The following CLVS1 variants were observed in gnomAD, a reference collection of about 807,000 sequenced individuals.
CLVS1 encodes clavesin 1, also known as clavesin-1.
A neutral mutation model predicts 33.1 loss-of-function variants in CLVS1; 10 were observed. The ratio of observed to expected loss-of-function variants is 0.30; its 90% CI spans 0.19 to 0.51. CLVS1 has a LOEUF of 0.51. Among genes scored for constraint, CLVS1 ranks in the 20% least tolerant of loss-of-function variants. CLVS1 has a pLI of 0.97. For synonymous variants in CLVS1, 163 were observed against 166.1 expected, an observed-to-expected ratio of 0.98 and a Z score of 0.14; for missense variants, 343 against 433.4, an observed-to-expected ratio of 0.79 and a Z score of 1.85.
rs114939065 is a variant in CLVS1, at chr8:61,184,945, A to C, written c.-152+53085A>C. Reference sequence around the variant, plus strand: ...AATTTTTAAAGTTCACAGAAGAATAAGAAAATACTACCTACAATATTTTCG... The same window carrying C: ...AATTTTTAAAGTTCACAGAAGAATACGAAAATACTACCTACAATATTTTCG... On this transcript the variant is annotated intron_variant, in intron 2 of 2. Transcript: ENST00000522621. Among the ~76,000 whole-genome samples the C allele has an allele frequency of 8.9e-3, 1,353 of 152,356 alleles. 29 individuals carry two copies. The highest frequency in any genetic ancestry group is 0.03 in the African/African-American group (1,244 of 41,586).
chr8:61,139,996 G>C (rs933210187), intron 2 of CLVS1, among the ~76,000 whole-genome samples: 2 of 152,138 alleles, frequency 1.3e-5, no homozygotes, highest in African/African-American at 4.8e-5. Flanking sequence ...GGCCCTCAGC[G>C]GAGCTCTTGC....
chr8:61,107,615 T>C (rs1805560477), intron 1 of CLVS1, among the ~76,000 whole-genome samples: 1 of 152,176 alleles, frequency 6.6e-6, no homozygotes, highest in Non-Finnish European at 1.5e-5. Flanking sequence ...AGCATAAGAA[T>C]TTTGGGAGGA....
At chr8:61,254,707 G>A (rs1801050871) in intron 2 of CLVS1, among the ~76,000 whole-genome samples, 2 of 152,252 alleles carry the variant, frequency 1.3e-5, no homozygotes, top group African/African-American at 4.8e-5. Context: ...GTGGGCATAG[G>A]ACCCTCTGAG....
At chr8:61,083,040 G>A (rs1299948009) in intron 1 of CLVS1, among the ~76,000 whole-genome samples, 1 of 152,022 alleles carries the variant, frequency 6.6e-6, no homozygotes, top group Non-Finnish European at 1.5e-5. Flanking sequence ...CAAACATTAA[G>A]GAGGTTTGTC....
intron 3 of CLVS1, among the ~76,000 whole-genome samples, chr8:61,435,286 C>T (rs1193380901): frequency 2.6e-5 from 4 of 152,146 alleles, no homozygotes; most frequent in African/African-American, 9.7e-5. Context: ...AAGGAGTCAG[C>T]CCTCAGGAGC....
chr8:61,251,690 T>A (rs1412256756), intron 2 of CLVS1, among the ~76,000 whole-genome samples: 3 of 152,158 alleles, frequency 2.0e-5, no homozygotes, highest in Non-Finnish European at 2.9e-5. Flanking sequence ...TGTTTTCTAG[T>A]TTATTTGCAT....
intron 5 of CLVS1, among the ~76,000 whole-genome samples, chr8:61,466,579 C>T (rs1361461551): frequency 6.6e-6 from 1 of 152,118 alleles, no homozygotes; most frequent in Non-Finnish European, 1.5e-5. Flanking sequence ...CCATATAAAG[C>T]AATTACTTTC....
intron 2 of CLVS1, among the ~76,000 whole-genome samples, chr8:61,162,781 T>A (rs982935809): frequency 6.6e-6 from 1 of 152,190 alleles, no homozygotes; most frequent in Non-Finnish European, 1.5e-5. Context: ...CTAAGGCCCT[T>A]ATAAACCTGT....
chr8:61,406,981 G>T (rs1043021673), intron 3 of CLVS1, among the ~76,000 whole-genome samples: 21 of 152,142 alleles, frequency 1.4e-4, no homozygotes, highest in Admixed American at 1.2e-3. Flanking sequence ...TAGTTTTAAG[G>T]ATTTTACTAG....
At chr8:61,163,088 C>G (rs1585654236) in intron 2 of CLVS1, among the ~76,000 whole-genome samples, 1 of 152,160 alleles carries the variant, frequency 6.6e-6, no homozygotes, top group Non-Finnish European at 1.5e-5. Context: ...CCCCAGAAAA[C>G]CCTGCCTGGA....
intron 2 of CLVS1, among the ~76,000 whole-genome samples, chr8:61,341,404 C>T (rs560042453): frequency 2.0e-5 from 3 of 152,340 alleles, no homozygotes; most frequent in East Asian, 3.9e-4. Flanking sequence ...ATTTTCCACA[C>T]GTACAATGTG....
chr8:61,047,298 C>A, the CLVS1 span, among the ~76,000 whole-genome samples: 2 of 152,128 alleles, frequency 1.3e-5, no homozygotes, highest in South Asian at 4.1e-4. Flanking sequence ...ATTAAAAAGT[C>A]AGGAAACAAC....
chr8:61,281,620 T>G (rs1483723298), intron 2 of CLVS1, among the ~76,000 whole-genome samples: 2 of 152,150 alleles, frequency 1.3e-5, no homozygotes, highest in African/African-American at 4.8e-5. Flanking sequence ...GGTAGGGTAT[T>G]TTGTCGTGGC....
intron 2 of CLVS1, 111 bp downstream of exon 2, chr8:61,300,393 A>C: frequency 1.0e-6 from 1 of 993,968 alleles, no homozygotes; most frequent in Non-Finnish European, 1.4e-6. Flanking sequence ...AAAATATTTC[A>C]CATGTTCACC....
At chr8:61,057,405 CA>C (rs1563387119) in intron 1 of CLVS1, among the ~76,000 whole-genome samples, 46 of 149,216 alleles carry the variant, frequency 3.1e-4, no homozygotes, top group African/African-American at 7.7e-4. Context: ...CACACACACA[CA>C]CACACACCCC....
At chr8:61,048,048 A>G in the CLVS1 span, among the ~76,000 whole-genome samples, 1 of 152,196 alleles carries the variant, frequency 6.6e-6, no homozygotes, top group Non-Finnish European at 1.5e-5. Context: ...AGGCAGTTGG[A>G]CTGCTGCTAC....
chr8:61,466,454 C>A (rs1392242672), intron 5 of CLVS1, among the ~76,000 whole-genome samples: 1 of 151,904 alleles, frequency 6.6e-6, no homozygotes, highest in Non-Finnish European at 1.5e-5. Context: ...GGCTGGAAAC[C>A]AACAGTCCTG....
In CLVS1 at chr8:61,139,723, C is replaced by CTTCT. The variant is rs1563417594; in HGVS notation, c.-152+7863_-152+7864insTTCT. Among the ~76,000 whole-genome samples, 7 of 151,778 alleles carry CTTCT rather than the reference C, an allele frequency of 4.6e-5. No individual in the cohort carries two copies. In the East Asian group the frequency reaches 1.4e-3, roughly 30 times the overall value. ...GTGCTTCCCCTCGGTGGTCGGGGTC[C>CTTCT]GCTTCCGCGTCGGTTCTGTTTATCA... On this transcript the variant is annotated intron_variant, in intron 2 of 2. Coordinates refer to the CLVS1 transcript ENST00000522621.
In CLVS1 at chr8:61,499,735, C is replaced by CTTT. The variant is rs997390927; in HGVS notation, c.*200_*202dup. 2.5e-6 allele frequency: 1 copy of CTTT among 402,796 alleles called. No homozygotes were observed. Among genetic ancestry groups the CTTT allele is most frequent in the Non-Finnish European group, 4.5e-6 (1 of 223,230 alleles). The allele number at this position is 402,796 out of a possible 1,614,324, so 25.0% of individuals were successfully genotyped here. A position where few individuals can be genotyped will look rare whatever the true frequency, so the allele number is the denominator to read the frequency against. On this transcript the variant is annotated 3_prime_UTR_variant, in exon 6 of 6. Coordinates refer to ENST00000325897, the MANE Select transcript of CLVS1 (RefSeq NM_173519.3). ...AAGTTGGACAAAGACTTGAGAGATG[C>CTTT]TTTTTTTTTCCCCCAGTGAGGGGAC...
Sources: gnomAD v4.1 joint callset for allele counts (sites outside exome capture counted in the v4.1 genomes callset) on GRCh38, gnomAD v4.1.1 for gene constraint, MANE v1.5 for transcripts, NCBI Gene and HGNC (gene_info 2026-07-23, HGNC 2026-07-21) for gene names.